Variants in IGF2BP2 observed in about 807,000 individuals in gnomAD.
IGF2BP2 encodes insulin like growth factor 2 mRNA binding protein 2.
IGF2BP2 carries 17 observed loss-of-function variants against 75.8 expected under a neutral mutation model. That is an observed-to-expected ratio of 0.22 (90% CI 0.15 to 0.34). The LOEUF (loss-of-function observed/expected upper bound fraction) is 0.34. IGF2BP2 is among the 10% of genes least tolerant of loss of function. The pLI, the probability that IGF2BP2 is intolerant of heterozygous loss-of-function variation, is 1.00. For missense variants in IGF2BP2, 516 were observed against 772.4 expected (o/e 0.67, Z 3.93); for synonymous variants, 288 against 295.6 (o/e 0.97, Z 0.26).
chr3:185,691,179 A>AC (rs1307477043), intron 5 of IGF2BP2, among the ~76,000 whole-genome samples: 3 of 152,262 alleles, frequency 2.0e-5, no homozygotes, highest in Non-Finnish European at 2.9e-5. Flanking sequence ...GCTCACTGCA[A>AC]CCTCTGCCTC....
chr3:185,738,197 A>G (rs1729094069), intron 2 of IGF2BP2, among the ~76,000 whole-genome samples: 1 of 152,258 alleles, frequency 6.6e-6, no homozygotes, highest in Non-Finnish European at 1.5e-5. Flanking sequence ...CCTTGTGGTA[A>G]GTATTCAACA....
chr3:185,654,064 T>C (rs1715037550), intron 12 of IGF2BP2, among the ~76,000 whole-genome samples: 1 of 152,112 alleles, frequency 6.6e-6, no homozygotes, highest in Non-Finnish European at 1.5e-5. Flanking sequence ...TTATTGTGAG[T>C]ACATAGCCAA....
intron 2 of IGF2BP2, among the ~76,000 whole-genome samples, chr3:185,820,235 T>TACACACACACACACACACAC (rs202064714): frequency 5.1e-4 from 52 of 102,814 alleles, no homozygotes; most frequent in African/African-American, 1.8e-3. Context: ...TATATACACA[T>TACACACACACACACACACAC]ACACACACAC....
At chr3:185,669,574 A>AGG (rs1553852981) in intron 10 of IGF2BP2, among the ~76,000 whole-genome samples, 17 of 124,488 alleles carry the variant, frequency 1.4e-4, no homozygotes, top group South Asian at 3.1e-4. Context: ...AAAAAAAAAA[A>AGG]GGGGGGGGGG....
Position 185,707,936 on chromosome 3 carries a change from C to T in IGF2BP2, c.240-9589G>A, listed in dbSNP as rs191419200. ...GCTTCGCTGAACACTATCTTTTCCC[C>T]GTTTCTCAATTTATTTTATTTGATG... On this transcript the variant is annotated intron_variant, in intron 2 of 15. Transcript: ENST00000382199. Among the ~76,000 whole-genome samples, 5 of 152,270 alleles carry T rather than the reference C, an allele frequency of 3.3e-5. No individual in the cohort carries two copies. In the East Asian group the frequency reaches 9.7e-4, roughly 29 times the overall value.
At chr3:185,662,329 T>C (rs1380640518) in intron 10 of IGF2BP2, among the ~76,000 whole-genome samples, 11 of 151,690 alleles carry the variant, frequency 7.3e-5, no homozygotes, top group Admixed American at 5.2e-4. Flanking sequence ...AATACAAAAA[T>C]TAGCCAGGCA....
intron 2 of IGF2BP2, among the ~76,000 whole-genome samples, chr3:185,760,147 C>T (rs1279355970): frequency 6.6e-6 from 1 of 152,090 alleles, no homozygotes; most frequent in Non-Finnish European, 1.5e-5. Flanking sequence ...ATAATCCCAT[C>T]CTCTTTTTAC....
chr3:185,713,980 C>A (rs746205523), intron 2 of IGF2BP2, among the ~76,000 whole-genome samples: 1 of 152,198 alleles, frequency 6.6e-6, no homozygotes, highest in Non-Finnish European at 1.5e-5. Flanking sequence ...GGATTACAGG[C>A]GTGAGCCACC....
rs1439250616 is a variant in IGF2BP2 at position 185,820,229 on chromosome 3, TACACATACACAC to T, written c.239+2912_239+2923del. Among the ~76,000 whole-genome samples the T allele has an allele frequency of 8.5e-4, 114 of 133,920 alleles. 2 individuals are homozygous for T. The highest frequency in any genetic ancestry group is 3.0e-3 in the African/African-American group (107 of 35,720). 87.9% of individuals were successfully genotyped at this position (133,920 alleles called of 152,430 possible). A position where few individuals can be genotyped will look rare whatever the true frequency, so the allele number is the denominator to read the frequency against. On this transcript the variant is annotated intron_variant, in intron 2 of 15. Coordinates refer to ENST00000382199, the MANE Select transcript of IGF2BP2 (RefSeq NM_006548.6). ...ATGTGTGTGTGTGTATGTGTATATA[TACACATACACAC>T]ACACACACACACACACACACACACA...
In IGF2BP2 at chr3:185,668,508, G is replaced by GAGAT. The variant is rs779987582; in HGVS notation, c.1200+4032_1200+4033insATCT. Among the ~76,000 whole-genome samples the GAGAT allele has an allele frequency of 8.7e-3, 1,090 of 125,736 alleles. 8 individuals are homozygous for GAGAT. Among genetic ancestry groups the GAGAT allele is most frequent in the South Asian group, 0.014 (54 of 3,764 alleles). 82.5% of individuals were successfully genotyped at this position (125,736 alleles called of 152,430 possible). ...TGTTCGAGAGAGAGAGAGAGAGAGA[G>GAGAT]ATATATATATATATATATATATATA... On this transcript the variant is annotated intron_variant, in intron 10 of 15. Coordinates refer to ENST00000382199, the MANE Select transcript of IGF2BP2 (RefSeq NM_006548.6).
chr3:185,766,878 C>T (rs1330918916), intron 2 of IGF2BP2, among the ~76,000 whole-genome samples: 1 of 152,246 alleles, frequency 6.6e-6, no homozygotes, highest in Non-Finnish European at 1.5e-5. Context: ...CAGGGCTACA[C>T]CCCAGTTTTC....
At chr3:185,654,999 C>T (rs1406656281) in intron 12 of IGF2BP2, among the ~76,000 whole-genome samples, 3 of 152,182 alleles carry the variant, frequency 2.0e-5, no homozygotes, top group Non-Finnish European at 2.9e-5. Context: ...TTGTGGCCCC[C>T]AAAGACTGGC....
At position 185,652,080 on chromosome 3, in the gene IGF2BP2, C is replaced by T; in HGVS notation, c.1461+14G>A. On this transcript the variant is annotated intron_variant, in intron 13 of 15. Coordinates refer to ENST00000382199, the MANE Select transcript of IGF2BP2 (RefSeq NM_006548.6). ...CCCAGAGCCTGCAGGGCTGAGGTGT[C>T]CCTTGGCACTAACCTTGAACTGGGC... 6.2e-7 allele frequency: 1 copy of T among 1,608,746 alleles called. No homozygotes were observed. Among genetic ancestry groups the T allele is most frequent in the African/African-American group, 1.3e-5 (1 of 74,998 alleles).
chr3:185,820,921 C>T (rs1741295030), intron 2 of IGF2BP2: 12 of 1,352,224 alleles, frequency 8.9e-6, no homozygotes, highest in Non-Finnish European at 1.1e-5. Context: ...AAATTTACTT[C>T]TAACTTGTTA....
intron 2 of IGF2BP2, among the ~76,000 whole-genome samples, chr3:185,707,165 C>T (rs973639466): frequency 3.4e-5 from 5 of 145,806 alleles, no homozygotes; most frequent in African/African-American, 1.0e-4. Context: ...GTGGAGGCTG[C>T]GGTGAGCCAA....
chr3:185,825,000 T>TA lies in IGF2BP2; in HGVS notation c.-41dup. 1 of 1,427,502 alleles carries TA rather than the reference T, an allele frequency of 7.0e-7. No individual in the cohort carries two copies. The highest frequency in any genetic ancestry group is 9.3e-7 in the Non-Finnish European group (1 of 1,069,668). 88.4% of individuals were successfully genotyped at this position (1,427,502 alleles called of 1,614,324 possible). Reference sequence around the variant, plus strand: ...AGAGCCCGCGGCTCCCCCGGCCCGGTACCCGGCGCTCCTCGCCTCCTCCGC... The same window carrying TA: ...AGAGCCCGCGGCTCCCCCGGCCCGGTAACCCGGCGCTCCTCGCCTCCTCCGC... On this transcript the variant is annotated 5_prime_UTR_variant, in exon 1 of 16. Transcript: ENST00000382199.
chr3:185,650,060 T>TGG (rs1714316797), intron 13 of IGF2BP2, among the ~76,000 whole-genome samples: 1 of 151,036 alleles, frequency 6.6e-6, no homozygotes, highest in Admixed American at 6.6e-5. Flanking sequence ...TGGAGTGCAG[T>TGG]GGCACGATCA....
chr3:185,665,801 T>C (rs1717475789), intron 10 of IGF2BP2, among the ~76,000 whole-genome samples: 1 of 152,110 alleles, frequency 6.6e-6, no homozygotes, highest in Non-Finnish European at 1.5e-5. Flanking sequence ...ATCCCGTCTC[T>C]ACCAAAAATA....
intron 2 of IGF2BP2, among the ~76,000 whole-genome samples, chr3:185,739,092 C>T (rs1038776392): frequency 5.9e-5 from 9 of 152,146 alleles, no homozygotes; most frequent in Admixed American, 5.9e-4. Context: ...TGTGTTTTCA[C>T]ATATCTTTGG....
Sources: allele counts gnomAD v4.1 joint callset (sites outside exome capture counted in the v4.1 genomes callset), GRCh38; gene constraint gnomAD v4.1.1; transcripts MANE v1.5; gene names NCBI Gene and HGNC (gene_info 2026-07-23, HGNC 2026-07-21).